DOCK9: variants seen among roughly 807,000 people sequenced by gnomAD.
The protein encoded by DOCK9 is dedicator of cytokinesis protein 9.
DOCK9 carries 89 observed loss-of-function variants against 263.3 expected under a neutral mutation model. The ratio of observed to expected loss-of-function variants is 0.34; its 90% CI spans 0.28 to 0.40. The LOEUF (loss-of-function observed/expected upper bound fraction) is 0.40, where lower values mean the gene tolerates loss of function less well. DOCK9 is among the 10% of genes least tolerant of loss of function. The pLI, the probability that DOCK9 is intolerant of heterozygous loss-of-function variation, is 1.00. For synonymous variants in DOCK9, 976 were observed against 973.1 expected (o/e 1.00, Z -0.06); for missense variants, 2,140 against 2,603.4 (o/e 0.82, Z 3.87).
intron 13 of DOCK9, among the ~76,000 whole-genome samples, chr13:98,900,139 G>A (rs2048053741): frequency 6.8e-6 from 1 of 146,950 alleles, no homozygotes; most frequent in Non-Finnish European, 1.5e-5. Flanking sequence ...CATGAATAAT[G>A]TACACATGGA....
At chr13:98,976,509 C>G (rs1048507062) in intron 1 of DOCK9, among the ~76,000 whole-genome samples, 1 of 152,126 alleles carries the variant, frequency 6.6e-6, no homozygotes, top group Admixed American at 6.5e-5. Flanking sequence ...ACAAGGGAAC[C>G]TAAACCACAC....
intron 1 of DOCK9, among the ~76,000 whole-genome samples, chr13:99,002,866 T>G (rs1451306126): frequency 6.6e-6 from 1 of 152,232 alleles, no homozygotes; most frequent in Non-Finnish European, 1.5e-5. Context: ...AAACAGTATT[T>G]ACACTTTTCT....
intron 1 of DOCK9, chr13:99,025,256 T>C (rs1029257717): frequency 2.0e-5 from 3 of 152,204 alleles, no homozygotes; most frequent in African/African-American, 4.8e-5. Flanking sequence ...ACACCACATA[T>C]ACTATTATAA....
intron 7 of DOCK9, among the ~76,000 whole-genome samples, chr13:98,920,342 C>T (rs1429104786): frequency 6.6e-6 from 1 of 152,178 alleles, no homozygotes; most frequent in Non-Finnish European, 1.5e-5. Flanking sequence ...TGACCAAATG[C>T]TTACCATTTG....
intron 28 of DOCK9, 83 bp from the exon 29 acceptor site, chr13:98,868,094 A>G: frequency 1.3e-6 from 2 of 1,533,440 alleles, no homozygotes; most frequent in East Asian, 4.6e-5. Flanking sequence ...TATTGCTAAT[A>G]AGTTTATCCA....
chr13:98,958,134 A>AT (rs1182852918), intron 1 of DOCK9, among the ~76,000 whole-genome samples: 2 of 152,166 alleles, frequency 1.3e-5, no homozygotes. Flanking sequence ...AGGTTTGGGG[A>AT]TTTTTTGGGC....
At chr13:98,831,888 A>G (rs1236085759) in intron 39 of DOCK9, 102 bp from the exon 40 acceptor site, 2 of 1,396,080 alleles carry the variant, frequency 1.4e-6, no homozygotes, top group Non-Finnish European at 1.9e-6. Context: ...TATTAAGACA[A>G]CTTATACTTT....
At chr13:98,873,376 T>G (rs534905020) in intron 27 of DOCK9, among the ~76,000 whole-genome samples, 1 of 152,362 alleles carries the variant, frequency 6.6e-6, no homozygotes, top group South Asian at 2.1e-4. Context: ...GAAATGTGTT[T>G]GGCTATGCCT....
At chr13:98,826,082 TAC>T in intron 44 of DOCK9, 1 of 559,848 alleles carries the variant, frequency 1.8e-6, no homozygotes, top group East Asian at 3.4e-5. Context: ...ACCAGAAATA[TAC>T]AGTCTGTGGC....
intron 15 of DOCK9, among the ~76,000 whole-genome samples, chr13:98,894,328 A>C (rs1004666714): frequency 5.9e-5 from 9 of 152,220 alleles, no homozygotes; most frequent in Admixed American, 2.0e-4. Context: ...TATAAAGTGG[A>C]AGGTGAAATA....
At chr13:99,039,419 T>C (rs920218386) in intron 1 of DOCK9, among the ~76,000 whole-genome samples, 15 of 152,226 alleles carry the variant, frequency 9.9e-5, no homozygotes, top group African/African-American at 3.6e-4. Flanking sequence ...AAAGTTACTT[T>C]ACTTTTTACT....
chr13:98,874,281 T>C (rs888557187), intron 27 of DOCK9, among the ~76,000 whole-genome samples: 2 of 152,252 alleles, frequency 1.3e-5, no homozygotes, highest in African/African-American at 4.8e-5. Context: ...GTTCATAGAA[T>C]GCTTTTGAGA....
intron 15 of DOCK9, among the ~76,000 whole-genome samples, chr13:98,896,804 T>A (rs1419227103): frequency 6.6e-6 from 1 of 152,172 alleles, no homozygotes; most frequent in Non-Finnish European, 1.5e-5. Flanking sequence ...TTGTTATGGG[T>A]TGAATTGTGT....
At chr13:99,027,839 T>C (rs987644481) in intron 1 of DOCK9, among the ~76,000 whole-genome samples, 8 of 152,124 alleles carry the variant, frequency 5.3e-5, no homozygotes, top group African/African-American at 1.9e-4. Flanking sequence ...TTCTGAGCCA[T>C]CTCTCAGCAC....
At chr13:98,938,188 C>T (rs1567026655) in intron 2 of DOCK9, among the ~76,000 whole-genome samples, 1 of 152,250 alleles carries the variant, frequency 6.6e-6, no homozygotes, top group African/African-American at 2.4e-5. Flanking sequence ...TTCTGAGAAG[C>T]TCATGTTTCA....
Position 99,084,967 on chromosome 13 carries a change from T to C in DOCK9, c.129+1256A>G, listed in dbSNP as rs141179674. Among the ~76,000 whole-genome samples the C allele has an allele frequency of 7.2e-5, 11 of 152,306 alleles. No homozygotes were observed. The East Asian group carries it at 2.1e-3, about 29-fold the overall frequency. ...CCTTACCTAATCGACTTCCCTAAAA[T>C]AGAAAAATTAAATCCTTGTTTACTA... On this transcript the variant is annotated intron_variant, in intron 1 of 32. Coordinates refer to the DOCK9 transcript ENST00000427887.
At position 98,860,469 on chromosome 13, in the gene DOCK9, C is replaced by T. The variant is rs76695968; in HGVS notation, c.3633G>A (p.Pro1211=). ...TGTTGTCCAGGGTGCTTCCCTTCTGCGGCGTCACCAGCGGATTCACAGCTG... is the reference window on the plus strand; with the variant it reads ...TGTTGTCCAGGGTGCTTCCCTTCTGTGGCGTCACCAGCGGATTCACAGCTG... ...ALPAVNPLVT[P]QKGSTLDNSL... is the part of the protein sequence containing the mutation. Residue 1211 remains proline (P), a synonymous_variant, in exon 33 of 53, where the codon CCG becomes CCA. Transcript: ENST00000682017. 38 of 1,589,862 alleles carry T rather than the reference C, an allele frequency of 2.4e-5. No homozygotes were observed. The highest frequency in any genetic ancestry group is 1.4e-4 in the Admixed American group (8 of 57,192).
In DOCK9 at chr13:98,855,876, G is replaced by A. The variant is rs752972987; in HGVS notation, c.3831+22C>T. 3.7e-6 allele frequency: 6 copies of A among 1,613,158 alleles called. No individual in the cohort carries two copies. The South Asian group carries it at 6.6e-5, about 18-fold the overall frequency. On this transcript the variant is annotated intron_variant, in intron 34 of 52. Transcript: ENST00000682017. The stretch of plus-strand genomic sequence containing the variant: ...AATCCATTGATTATAAGAAACATTT[G>A]TGTTGGGTGAAAAGCAATTACCTTA...
At chr13:99,005,879 G>T (rs1280745063) in intron 1 of DOCK9, among the ~76,000 whole-genome samples, 1 of 141,360 alleles carries the variant, frequency 7.1e-6, no homozygotes, top group African/African-American at 2.7e-5. Context: ...TACAAAAACA[G>T]ACAGCAGGCC....
Sources: allele counts gnomAD v4.1 joint callset (sites outside exome capture counted in the v4.1 genomes callset), GRCh38; gene constraint gnomAD v4.1.1; transcripts MANE v1.5; gene names NCBI Gene and HGNC (gene_info 2026-07-23, HGNC 2026-07-21).